The following MARCHF11 variants were observed in gnomAD, a reference collection of about 807,000 sequenced individuals.
The protein encoded by MARCHF11 is membrane associated ring-CH-type finger 11.
MARCHF11 carries 29 observed loss-of-function variants against 37.3 expected under a neutral mutation model. The ratio of observed to expected loss-of-function variants is 0.78; its 90% CI spans 0.58 to 1.06. The LOEUF is 1.06. Ranked by LOEUF, MARCHF11 falls within the 50% of genes least tolerant of loss-of-function variation. The pLI is 0.00. For missense variants in MARCHF11, 482 were observed against 533.4 expected (o/e 0.90, Z 0.95); for synonymous variants, 233 against 228.0 (o/e 1.02, Z -0.20).
At chr5:16,178,157 T>C (rs1166434515) in intron 1 of MARCHF11, among the ~76,000 whole-genome samples, 2 of 152,246 alleles carry the variant, frequency 1.3e-5, no homozygotes, top group Non-Finnish European at 2.9e-5. Context: ...AAAGCTGTAC[T>C]ATTAAATCTC....
Position 16,090,978 on chromosome 5 carries a change from G to T in MARCHF11, c.797C>A (p.Ala266Asp). The change falls in exon 3 of 4, where the codon GCC becomes GAC. Residue 266 changes from alanine (A) to aspartate (D), a missense_variant. Transcript: ENST00000332432. ...IASVTWLLWSAFSPYAVWQRK... is the reference protein window; with the variant it reads ...IASVTWLLWSDFSPYAVWQRK... ...CTGCCACACTGCATAGGGGCTGAAG[G>T]CTGACCAGAGGAGCCAAGTCACACT... 6.2e-7 allele frequency: 1 copy of T among 1,612,346 alleles called. No homozygotes were observed. Among genetic ancestry groups the T allele is most frequent in the South Asian group, 1.1e-5 (1 of 90,926 alleles).
chr5:16,104,064 C>T (rs978944133), intron 2 of MARCHF11, among the ~76,000 whole-genome samples: 2 of 152,168 alleles, frequency 1.3e-5, no homozygotes, highest in African/African-American at 2.4e-5. Context: ...ATGGTAACTG[C>T]AGGAGAAACA....
intron 2 of MARCHF11, among the ~76,000 whole-genome samples, chr5:16,156,439 A>G (rs963341829): frequency 6.6e-6 from 1 of 151,914 alleles, no homozygotes; most frequent in South Asian, 2.1e-4. Flanking sequence ...AATAGTGCCA[A>G]TATTCATGTA....
chr5:16,123,931 G>C (rs1041482220), intron 2 of MARCHF11, among the ~76,000 whole-genome samples: 3 of 152,232 alleles, frequency 2.0e-5, no homozygotes, highest in African/African-American at 7.2e-5. Flanking sequence ...ATGGATCAAT[G>C]GGATAGAACA....
At chr5:16,111,094 T>C (rs1341150420) in intron 2 of MARCHF11, among the ~76,000 whole-genome samples, 1 of 152,228 alleles carries the variant, frequency 6.6e-6, no homozygotes, top group Non-Finnish European at 1.5e-5. Flanking sequence ...TTTTTCTTTA[T>C]AAATTACCCA....
At chr5:16,127,186 C>T (rs1037467810) in intron 2 of MARCHF11, among the ~76,000 whole-genome samples, 12 of 152,146 alleles carry the variant, frequency 7.9e-5, no homozygotes, top group African/African-American at 2.7e-4. Context: ...GCTTACTAGA[C>T]GTTATAGTCA....
At chr5:16,177,424 T>A (rs1738380772) in intron 2 of MARCHF11, among the ~76,000 whole-genome samples, 1 of 152,230 alleles carries the variant, frequency 6.6e-6, no homozygotes, top group South Asian at 2.1e-4. Context: ...TAAAATTGAT[T>A]TAAGTGTGGT....
At chr5:16,154,804 G>T (rs1229363133) in intron 2 of MARCHF11, among the ~76,000 whole-genome samples, 1 of 151,854 alleles carries the variant, frequency 6.6e-6, no homozygotes, top group Non-Finnish European at 1.5e-5. Context: ...TCATTTTTAT[G>T]CCACATTCAT....
intron 2 of MARCHF11, among the ~76,000 whole-genome samples, chr5:16,129,953 T>C: frequency 6.6e-6 from 1 of 152,136 alleles, no homozygotes; most frequent in South Asian, 2.1e-4. Flanking sequence ...GGAGTCAAAT[T>C]TATGCTATGA....
intron 2 of MARCHF11, among the ~76,000 whole-genome samples, chr5:16,130,574 G>A (rs188425149): frequency 1.5e-3 from 224 of 152,122 alleles, no homozygotes; most frequent in African/African-American, 5.3e-3. Context: ...TCTTGGTTCT[G>A]GTAAAAATTC....
intron 2 of MARCHF11, among the ~76,000 whole-genome samples, chr5:16,106,870 A>T (rs556851202): frequency 6.6e-6 from 1 of 152,314 alleles, no homozygotes; most frequent in African/African-American, 2.4e-5. Flanking sequence ...CACAAAGACT[A>T]AAACAGGTGC....
At chr5:16,089,473 G>A (rs368296401) in intron 3 of MARCHF11, among the ~76,000 whole-genome samples, 9 of 151,684 alleles carry the variant, frequency 5.9e-5, no homozygotes, top group East Asian at 1.9e-4. Context: ...CAATTATTCC[G>A]GCAACATCTC....
chr5:16,148,171 G>A (rs994255027), intron 2 of MARCHF11, among the ~76,000 whole-genome samples: 1 of 152,016 alleles, frequency 6.6e-6, no homozygotes, highest in Non-Finnish European at 1.5e-5. Context: ...GATCGGAGGA[G>A]GAATTAAGTA....
intron 2 of MARCHF11, among the ~76,000 whole-genome samples, chr5:16,146,717 G>A (rs1442090375): frequency 6.6e-6 from 1 of 152,144 alleles, no homozygotes; most frequent in African/African-American, 2.4e-5. Flanking sequence ...TTAAGTCGGT[G>A]GCACAGTAGT....
At chr5:16,174,052 G>A (rs772049633) in intron 2 of MARCHF11, among the ~76,000 whole-genome samples, 1 of 152,160 alleles carries the variant, frequency 6.6e-6, no homozygotes, top group Non-Finnish European at 1.5e-5. Context: ...TCCCATAAAT[G>A]TTATCTCTTC....
chr5:16,082,484 A>G (rs536938969), intron 3 of MARCHF11, among the ~76,000 whole-genome samples: 1 of 152,280 alleles, frequency 6.6e-6, no homozygotes, highest in Admixed American at 6.5e-5. Context: ...TCCACTTGGG[A>G]TGAAATTTGA....
At chr5:16,142,530 C>G (rs1030695622) in intron 2 of MARCHF11, among the ~76,000 whole-genome samples, 1 of 151,980 alleles carries the variant, frequency 6.6e-6, no homozygotes, top group African/African-American at 2.4e-5. Flanking sequence ...AATCAAACTA[C>G]CTGCAAGTTC....
chr5:16,157,475 G>T (rs982066267), intron 2 of MARCHF11, among the ~76,000 whole-genome samples: 4 of 151,912 alleles, frequency 2.6e-5, no homozygotes, highest in African/African-American at 9.7e-5. Context: ...AAACAGCATG[G>T]TGCTAGCATA....
intron 3 of MARCHF11, among the ~76,000 whole-genome samples, chr5:16,080,311 G>A (rs927379034): frequency 6.6e-6 from 1 of 152,038 alleles, no homozygotes; most frequent in East Asian, 1.9e-4. Context: ...TCCTCCTCAT[G>A]TGCCTGACCC....
Sources: allele counts gnomAD v4.1 joint callset (sites outside exome capture counted in the v4.1 genomes callset), GRCh38; gene constraint gnomAD v4.1.1; transcripts MANE v1.5; gene names NCBI Gene and HGNC (gene_info 2026-07-23, HGNC 2026-07-21).